CHI3L1: variants seen among roughly 807,000 people sequenced by gnomAD.
CHI3L1 encodes chitinase-3-like protein 1.
In CHI3L1, 30 loss-of-function variants were observed where a neutral mutation model predicts 40.7. The observed-to-expected ratio is 0.74, with a 90% CI of 0.55 to 1.00. The LOEUF (loss-of-function observed/expected upper bound fraction) is 1.00, where lower values mean the gene tolerates loss of function less well. Ranked by LOEUF, CHI3L1 falls within the 50% of genes least tolerant of loss-of-function variation. The pLI is 0.00. For missense variants in CHI3L1, 493 were observed against 492.2 expected, an observed-to-expected ratio of 1.00 and a Z score of -0.01; for synonymous variants, 210 against 192.1, an observed-to-expected ratio of 1.09 and a Z score of -0.77.
intron 9 of CHI3L1, 82 bp from the exon 10 acceptor site, chr1:203,179,667 C>A: frequency 6.2e-7 from 1 of 1,613,944 alleles, no homozygotes; most frequent in Non-Finnish European, 8.5e-7. Context: ...GTGAGCCCAG[C>A]CCAGACCTCA....
intron 9 of CHI3L1, 65 bp from the exon 10 acceptor site, chr1:203,179,650 G>A (rs772794137): frequency 1.9e-6 from 3 of 1,613,866 alleles, no homozygotes; most frequent in Non-Finnish European, 2.5e-6. Flanking sequence ...CAGGGCACAT[G>A]TGCTCTGTGA....
Position 203,179,351 on chromosome 1 carries a change from G to T in CHI3L1, c.*94C>A. 8.8e-7 allele frequency: 1 copy of T among 1,141,746 alleles called. No homozygotes were observed. Among genetic ancestry groups the T allele is most frequent in the Non-Finnish European group, 1.3e-6 (1 of 796,696 alleles). 70.7% of individuals were successfully genotyped at this position (1,141,746 alleles called of 1,614,324 possible). A position where few individuals can be genotyped will look rare whatever the true frequency, so the allele number is the denominator to read the frequency against. On this transcript the variant is annotated 3_prime_UTR_variant, in exon 10 of 10. Coordinates refer to ENST00000255409, the MANE Select transcript of CHI3L1 (RefSeq NM_001276.4). The stretch of plus-strand genomic sequence containing the variant: ...GGGAGGGAGACTGAGGCTCAGCCTG[G>T]GACTCAGCAGGGCAGGTGATCAGGC...
rs529506833 is a variant in CHI3L1 at position 203,183,120 on chromosome 1, G to A, written c.466-268C>T. 1.5e-3 allele frequency among the ~76,000 whole-genome samples: 227 copies of A among 152,294 alleles called. 1 individual carries two copies. The highest frequency in any genetic ancestry group is 5.2e-3 in the African/African-American group (217 of 41,540). ...GTCCTGGAGGGAGCATCGGACAGTG[G>A]GTGACCCCTATTGGCCCACAGATGA... On this transcript the variant is annotated intron_variant, in intron 5 of 9. Transcript: ENST00000255409.
At chr1:203,181,650 C>T (rs1655940437) in intron 6 of CHI3L1, 1 of 184,694 alleles carries the variant, frequency 5.4e-6, no homozygotes, top group Non-Finnish European at 1.1e-5. Flanking sequence ...ATTTAAGGCT[C>T]CAGCAGGATG....
Position 203,182,733 on chromosome 1 carries a change from G to A in CHI3L1, c.585C>T (p.Ser195=). ...IDSSYDIAKI[S]QHLDFISIMT... Reference sequence around the variant, plus strand: ...GCTGCCTGGGGCAGGAGACTCACTGGGATATCTTGGCAATGTCATAGCTGC... The same window carrying A: ...GCTGCCTGGGGCAGGAGACTCACTGAGATATCTTGGCAATGTCATAGCTGC... Residue 195 remains serine, a splice_region_variant and synonymous_variant, in exon 6 of 10, where the codon TCC becomes TCT. Transcript: ENST00000255409. The A allele has an allele frequency of 1.2e-6, 2 of 1,613,958 alleles. No homozygotes were observed. Among genetic ancestry groups the A allele is most frequent in the South Asian group, 1.1e-5 (1 of 91,066 alleles).
chr1:203,183,878 G>C (rs1656000231), intron 4 of CHI3L1, 87 bp from the exon 5 acceptor site: 2 of 1,471,074 alleles, frequency 1.4e-6, no homozygotes, highest in Admixed American at 3.4e-5. Flanking sequence ...GACCTGCAGA[G>C]CTGGGATCCT....
Position 203,179,413 on chromosome 1 carries a change from C to T in CHI3L1, c.*32G>A, listed in dbSNP as rs1224064191. 1.3e-6 allele frequency: 2 copies of T among 1,505,524 alleles called. No homozygotes were observed. Among genetic ancestry groups the T allele is most frequent in the East Asian group, 2.3e-5 (1 of 43,802 alleles). The allele number at this position is 1,505,524 out of a possible 1,614,324, so 93.3% of individuals were successfully genotyped here. The stretch of plus-strand genomic sequence containing the variant: ...TGGAGCCAGAGGGGGACGGGGCATC[C>T]TTGGCCCCCGTGCTGTGTGCAGAAC... On this transcript the variant is annotated 3_prime_UTR_variant, in exon 10 of 10. Transcript: ENST00000255409.
In CHI3L1 at chr1:203,179,137, G is replaced by A. The variant is rs1187068579; in HGVS notation, c.*308C>T. On this transcript the variant is annotated 3_prime_UTR_variant, in exon 10 of 10. Transcript: ENST00000255409. ...TGTCCTTTGATAAGGAGGGCTGGGG[G>A]GCAGGGAGTTGAAGAAATTCCCTTG... The A allele has an allele frequency of 1.3e-5, 3 of 237,828 alleles. No individual in the cohort carries two copies. The highest frequency in any genetic ancestry group is 5.0e-5 in the Admixed American group (1 of 20,052). 14.7% of individuals were successfully genotyped at this position (237,828 alleles called of 1,614,324 possible). A position where few individuals can be genotyped will look rare whatever the true frequency, so the allele number is the denominator to read the frequency against.
Position 203,179,369 on chromosome 1 carries a change from G to T in CHI3L1, c.*76C>A. The stretch of plus-strand genomic sequence containing the variant: ...CAGCCTGGGACTCAGCAGGGCAGGT[G>T]ATCAGGCTCCCGGCCAGCTGGAGCC... On this transcript the variant is annotated 3_prime_UTR_variant, in exon 10 of 10. Coordinates refer to ENST00000255409, the MANE Select transcript of CHI3L1 (RefSeq NM_001276.4). The T allele has an allele frequency of 7.4e-7, 1 of 1,348,156 alleles. No individual in the cohort carries two copies. Among genetic ancestry groups the T allele is most frequent in the South Asian group, 1.4e-5 (1 of 69,684 alleles). The allele number at this position is 1,348,156 out of a possible 1,614,324, so 83.5% of individuals were successfully genotyped here. A position where few individuals can be genotyped will look rare whatever the true frequency, so the allele number is the denominator to read the frequency against.
chr1:203,179,847 G>A lies in CHI3L1; in HGVS notation c.925C>T (p.His309Tyr), dbSNP rs1411039899. ...GGGACCTGCTGGCCGAGGATTCTATGGACTGTGGCTCCGCGGAGGAAGTCA... is the reference window on the plus strand; with the variant it reads ...GGGACCTGCTGGCCGAGGATTCTATAGACTGTGGCTCCGCGGAGGAAGTCA... The part of the protein sequence containing the change: ...ICDFLRGATV[H>Y]RILGQQVPYA... Residue 309 changes from histidine to tyrosine, a missense_variant, in exon 9 of 10, where the codon CAT becomes TAT. Coordinates refer to ENST00000255409, the MANE Select transcript of CHI3L1 (RefSeq NM_001276.4). 6.2e-7 allele frequency: 1 copy of A among 1,614,158 alleles called. No individual in the cohort carries two copies. The highest frequency in any genetic ancestry group is 1.7e-5 in the Admixed American group (1 of 60,030).
At position 203,179,466 on chromosome 1, in the gene CHI3L1, C is replaced by T. The variant is rs968742730; in HGVS notation, c.1131G>A (p.Lys377=). 6.5e-7 allele frequency: 1 copy of T among 1,547,204 alleles called. No individual in the cohort carries two copies. The highest frequency in any genetic ancestry group is 1.4e-5 in the African/African-American group (1 of 72,836). The change falls in exon 10 of 10, where the codon AAG becomes AAA. Residue 377 remains lysine, a synonymous_variant. Transcript: ENST00000255409. ...DLRFPLTNAI[K]DALAAT is the part of the protein sequence containing the mutation. ...AGGGCTACGTTGCAGCGAGTGCATCCTTGATGGCATTGGTGAGAGGGAAGC... is the reference window on the plus strand; with the variant it reads ...AGGGCTACGTTGCAGCGAGTGCATCTTTGATGGCATTGGTGAGAGGGAAGC...
At position 203,182,601 on chromosome 1, in the gene CHI3L1, A is replaced by T. The variant is rs1248175583; in HGVS notation, c.587+130T>A. 3 of 1,045,058 alleles carry T rather than the reference A, an allele frequency of 2.9e-6. No homozygotes were observed. In the Admixed American group the frequency reaches 5.9e-5, roughly 21 times the overall value. The allele number at this position is 1,045,058 out of a possible 1,614,324, so 64.7% of individuals were successfully genotyped here. On this transcript the variant is annotated intron_variant, in intron 6 of 9. Transcript: ENST00000255409. ...AGTGACTTGCTCAAGGTCACACATCAAGGCTTTGGAAGAACTGGGACTGGA... is the reference window on the plus strand; with the variant it reads ...AGTGACTTGCTCAAGGTCACACATCTAGGCTTTGGAAGAACTGGGACTGGA...
At chr1:203,184,517 A>G (rs765405736) in intron 4 of CHI3L1, 59 bp downstream of exon 4, 159 of 1,413,432 alleles carry the variant, frequency 1.1e-4, no homozygotes, top group Non-Finnish European at 1.5e-4. Context: ...GGGAGACCCA[A>G]GCTCCTCACT....
chr1:203,184,724 C>T (rs1656020100), intron 3 of CHI3L1, 92 bp from the exon 4 acceptor site: 3 of 1,126,166 alleles, frequency 2.7e-6, no homozygotes, highest in Admixed American at 1.7e-5. Context: ...TAGAAGGTTT[C>T]CTGCTTTGGG....
intron 6 of CHI3L1, among the ~76,000 whole-genome samples, chr1:203,182,360 T>C (rs1375085415): frequency 6.6e-6 from 1 of 152,190 alleles, no homozygotes. Flanking sequence ...GAGGCTGCTG[T>C]GTGGCCTCTC....
intron 3 of CHI3L1, among the ~76,000 whole-genome samples, 169 bp from the exon 4 acceptor site, chr1:203,184,801 A>G (rs1165965533): frequency 6.6e-6 from 1 of 152,152 alleles, no homozygotes; most frequent in Non-Finnish European, 1.5e-5. Context: ...AGAGATTCAT[A>G]GTGGTGGATC....
intron 4 of CHI3L1, 71 bp from the exon 5 acceptor site, chr1:203,183,862 T>G: frequency 6.4e-7 from 1 of 1,550,700 alleles, no homozygotes; most frequent in South Asian, 1.1e-5. Context: ...CTGGTGGGGT[T>G]TCCAGGACCT....
chr1:203,186,360 A>T lies in CHI3L1; in HGVS notation c.26-15T>A. The T allele has an allele frequency of 6.3e-7, 1 of 1,587,498 alleles. No individual in the cohort carries two copies. The highest frequency in any genetic ancestry group is 8.6e-7 in the Non-Finnish European group (1 of 1,166,030). The stretch of plus-strand genomic sequence containing the variant: ...GACCACAAAGCCTGAAGAGAAATCC[A>T]GGATGAGACCCCTGCAAGTGCATCC... On this transcript the variant is annotated splice_polypyrimidine_tract_variant and intron_variant, in intron 1 of 9. Coordinates refer to ENST00000255409, the MANE Select transcript of CHI3L1 (RefSeq NM_001276.4).
rs985632196 is a variant in CHI3L1, at chr1:203,186,625, C to T, written c.-2G>A. 1 of 1,614,140 alleles carries T rather than the reference C, an allele frequency of 6.2e-7. No homozygotes were observed. The highest frequency in any genetic ancestry group is 8.5e-7 in the Non-Finnish European group (1 of 1,180,020). Reference sequence around the variant, plus strand: ...TGTTTGAGACGCCTTCACACCCATTCTGGCTGCAGCAGAGCAGGGCAGGGT... The same window carrying T: ...TGTTTGAGACGCCTTCACACCCATTTTGGCTGCAGCAGAGCAGGGCAGGGT... On this transcript the variant is annotated 5_prime_UTR_variant, in exon 1 of 10. Transcript: ENST00000255409.
Sources: gnomAD v4.1 joint callset for allele counts (sites outside exome capture counted in the v4.1 genomes callset) on GRCh38, gnomAD v4.1.1 for gene constraint, MANE v1.5 for transcripts, NCBI Gene and HGNC (gene_info 2026-07-23, HGNC 2026-07-21) for gene names.